The following DCAF7 variants were observed in gnomAD, a reference collection of about 807,000 sequenced individuals.
The protein encoded by DCAF7 is DDB1- and CUL4-associated factor 7.
A neutral mutation model predicts 41.2 loss-of-function variants in DCAF7; 4 were observed. The observed-to-expected ratio is 0.10, with a 90% confidence interval of 0.05 to 0.22. DCAF7 has a LOEUF of 0.22. Ranked by LOEUF, DCAF7 falls within the 10% of genes least tolerant of loss-of-function variation. The probability of loss-of-function intolerance (pLI) is 1.00; values close to 1 mark genes in which losing one functional copy is unlikely to be tolerated. For synonymous variants in DCAF7, 143 were observed against 164.2 expected (o/e 0.87, Z 0.99); for missense variants, 131 against 443.2 (o/e 0.30, Z 6.32).
At chr17:63,570,734 TCTAA>T (rs1265059395) in intron 1 of DCAF7, among the ~76,000 whole-genome samples, 2 of 152,224 alleles carry the variant, frequency 1.3e-5, no homozygotes, top group Non-Finnish European at 2.9e-5. Context: ...TGGGAATTAG[TCTAA>T]CTGTCTTTTG....
At chr17:63,559,439 G>GTGTGTATATATA (rs1555680864) in intron 1 of DCAF7, among the ~76,000 whole-genome samples, 1 of 122,178 alleles carries the variant, frequency 8.2e-6, no homozygotes, top group African/African-American at 3.5e-5. Context: ...ATATGTGTGT[G>GTGTGTATATATA]TATATATATA....
chr17:63,564,120 A>AG (rs780888244), intron 1 of DCAF7, among the ~76,000 whole-genome samples: 1 of 141,558 alleles, frequency 7.1e-6, no homozygotes, highest in Admixed American at 7.0e-5. Context: ...GATGACATAG[A>AG]GGGATGTTAA....
chr17:63,553,128 G>GT (rs1421094936), intron 1 of DCAF7, among the ~76,000 whole-genome samples: 2 of 152,152 alleles, frequency 1.3e-5, no homozygotes, highest in East Asian at 1.9e-4. Context: ...TAAACAACAT[G>GT]TTTTTTAAAG....
rs2033732671 is a variant in DCAF7, at chr17:63,591,467, C to T, written c.*2295C>T. Reference sequence around the variant, plus strand: ...GGACGCCCAGCTCCTGTCATCCTTCCTTAGGTCCTGCAGTACAGTCTTCCC... The same window carrying T: ...GGACGCCCAGCTCCTGTCATCCTTCTTTAGGTCCTGCAGTACAGTCTTCCC... On this transcript the variant is annotated 3_prime_UTR_variant, in exon 7 of 7. Transcript: ENST00000614556. 6.6e-6 allele frequency: 1 copy of T among 152,298 alleles called. No individual in the cohort carries two copies. Among genetic ancestry groups the T allele is most frequent in the Non-Finnish European group, 1.5e-5 (1 of 68,090 alleles). 9.4% of individuals were successfully genotyped at this position (152,298 alleles called of 1,614,324 possible).
chr17:63,568,017 T>G (rs867502409), intron 1 of DCAF7, among the ~76,000 whole-genome samples: 6 of 150,696 alleles, frequency 4.0e-5, no homozygotes, highest in African/African-American at 1.5e-4. Context: ...CTGATTTTGT[T>G]TTGTTATTGT....
intron 1 of DCAF7, among the ~76,000 whole-genome samples, chr17:63,566,660 C>A (rs1343434515): frequency 6.6e-6 from 1 of 152,166 alleles, no homozygotes; most frequent in Non-Finnish European, 1.5e-5. Context: ...GTGGCTGACA[C>A]TGGTAATCCC....
chr17:63,559,373 A>G (rs1156495507), intron 1 of DCAF7, among the ~76,000 whole-genome samples: 50 of 82,120 alleles, frequency 6.1e-4, no homozygotes, highest in African/African-American at 1.1e-3. Flanking sequence ...GTATATATAT[A>G]TGTGTATATA....
rs572453308 is a variant in DCAF7 at position 63,585,327 on chromosome 17, A to G, written c.855A>G (p.Ala285=). Residue 285 remains alanine (A), a splice_region_variant and synonymous_variant, in exon 6 of 7, where the codon GCA becomes GCG. Coordinates refer to ENST00000614556, the MANE Select transcript of DCAF7 (RefSeq NM_005828.5). ...APHSSCHICT[A]ADDHQALIWD... ...ATTCATCCTGCCACATCTGCACTGC[A>G]GGTAATCATGGTGGGGAGAAAGAAA... 6.2e-7 allele frequency: 1 copy of G among 1,612,296 alleles called. No homozygotes were observed. Among genetic ancestry groups the G allele is most frequent in the Admixed American group, 1.7e-5 (1 of 59,986 alleles).
chr17:63,591,535 C>G lies in DCAF7; in HGVS notation c.*2363C>G, dbSNP rs2033733651. Reference sequence around the variant, plus strand: ...CCCAGGGGGACTCCACCCCCCTAAGCAAGCACACACATACTCACAGTTGAT... The same window carrying G: ...CCCAGGGGGACTCCACCCCCCTAAGGAAGCACACACATACTCACAGTTGAT... On this transcript the variant is annotated 3_prime_UTR_variant, in exon 7 of 7. Transcript: ENST00000614556. 6.6e-6 allele frequency: 1 copy of G among 152,174 alleles called. No individual in the cohort carries two copies. The highest frequency in any genetic ancestry group is 6.5e-5 in the Admixed American group (1 of 15,268). 9.4% of individuals were successfully genotyped at this position (152,174 alleles called of 1,614,324 possible). A position where few individuals can be genotyped will look rare whatever the true frequency, so the allele number is the denominator to read the frequency against.
chr17:63,575,769 G>A (rs1053796344), intron 1 of DCAF7, among the ~76,000 whole-genome samples: 1 of 152,226 alleles, frequency 6.6e-6, no homozygotes, highest in African/African-American at 2.4e-5. Flanking sequence ...ATTGTAAGAT[G>A]TCAGTTCTCC....
chr17:63,575,342 TAAAG>T (rs1417468436), intron 1 of DCAF7, among the ~76,000 whole-genome samples: 1 of 150,816 alleles, frequency 6.6e-6, no homozygotes, highest in African/African-American at 2.4e-5. Context: ...GAAAAAGAAA[TAAAG>T]AAATAAAATT....
intron 6 of DCAF7, among the ~76,000 whole-genome samples, chr17:63,588,457 A>G (rs2033700897): frequency 6.6e-6 from 1 of 151,410 alleles, no homozygotes; most frequent in South Asian, 2.1e-4. Context: ...TCAGCCTTCC[A>G]AAGTGTTGGG....
At chr17:63,566,328 G>A (rs904514335) in intron 1 of DCAF7, among the ~76,000 whole-genome samples, 1 of 147,068 alleles carries the variant, frequency 6.8e-6, no homozygotes, top group Non-Finnish European at 1.5e-5. Flanking sequence ...CAGAGATGGC[G>A]CCACTGCACA....
Position 63,592,623 on chromosome 17 carries a change from G to A in DCAF7, c.*3451G>A, listed in dbSNP as rs1005068066. On this transcript the variant is annotated 3_prime_UTR_variant, in exon 7 of 7. Transcript: ENST00000614556. Reference sequence around the variant, plus strand: ...GAGGAAATAGTAGAGGTCAGTGAAGGTCTGGGGTAGGGAAACATTCAGACT... The same window carrying A: ...GAGGAAATAGTAGAGGTCAGTGAAGATCTGGGGTAGGGAAACATTCAGACT... 6.6e-6 allele frequency: 1 copy of A among 152,146 alleles called. No individual in the cohort carries two copies. Among genetic ancestry groups the A allele is most frequent in the African/African-American group, 2.4e-5 (1 of 41,412 alleles). 9.4% of individuals were successfully genotyped at this position (152,146 alleles called of 1,614,324 possible).
intron 1 of DCAF7, among the ~76,000 whole-genome samples, chr17:63,568,773 T>TCA (rs1243518611): frequency 6.6e-6 from 1 of 152,170 alleles, no homozygotes; most frequent in African/African-American, 2.4e-5. Flanking sequence ...AGCTGTTGTC[T>TCA]CACACCCTGC....
rs1286989106 is a variant in DCAF7 at position 63,589,315 on chromosome 17, A to T, written c.*143A>T. 1 of 1,159,268 alleles carries T rather than the reference A, an allele frequency of 8.6e-7. No individual in the cohort carries two copies. The highest frequency in any genetic ancestry group is 1.3e-5 in the South Asian group (1 of 76,536). 71.8% of individuals were successfully genotyped at this position (1,159,268 alleles called of 1,614,324 possible). A position where few individuals can be genotyped will look rare whatever the true frequency, so the allele number is the denominator to read the frequency against. ...CACTGTTACCAGAAGCTGCTCTAGG[A>T]GTTCCTGGCCAGTCACCCCATCGCC... is the stretch of plus-strand genomic sequence containing the variant. On this transcript the variant is annotated 3_prime_UTR_variant, in exon 7 of 7. Transcript: ENST00000614556.
At position 63,592,046 on chromosome 17, in the gene DCAF7, A is replaced by G. The variant is rs1043179032; in HGVS notation, c.*2874A>G. Reference sequence around the variant, plus strand: ...AATTTTTTATGCTCAGGAGCATTGGAATCCTCTTCTTCCAGGGAGGAATTA... The same window carrying G: ...AATTTTTTATGCTCAGGAGCATTGGGATCCTCTTCTTCCAGGGAGGAATTA... On this transcript the variant is annotated 3_prime_UTR_variant, in exon 7 of 7. Coordinates refer to ENST00000614556, the MANE Select transcript of DCAF7 (RefSeq NM_005828.5). 2.6e-5 allele frequency: 4 copies of G among 152,238 alleles called. No individual in the cohort carries two copies. The highest frequency in any genetic ancestry group is 2.0e-4 in the Admixed American group (3 of 15,276). 9.4% of individuals were successfully genotyped at this position (152,238 alleles called of 1,614,324 possible).
chr17:63,592,377 C>A lies in DCAF7; in HGVS notation c.*3205C>A, dbSNP rs1005015606. ...CCAAGATCGTGCCACTGCACTCCAG[C>A]CTGGGCGACAGAGCAAGACTCCGTC... On this transcript the variant is annotated 3_prime_UTR_variant, in exon 7 of 7. Coordinates refer to ENST00000614556, the MANE Select transcript of DCAF7 (RefSeq NM_005828.5). The A allele has an allele frequency of 6.6e-6, 1 of 150,950 alleles. No homozygotes were observed. Among genetic ancestry groups the A allele is most frequent in the Non-Finnish European group, 1.5e-5 (1 of 67,930 alleles). 9.4% of individuals were successfully genotyped at this position (150,950 alleles called of 1,614,324 possible). A position where few individuals can be genotyped will look rare whatever the true frequency, so the allele number is the denominator to read the frequency against.
At chr17:63,562,010 C>CA (rs374021255) in intron 1 of DCAF7, among the ~76,000 whole-genome samples, 31,445 of 81,076 alleles carry the variant, frequency 0.39, 4,428 homozygotes, top group Middle Eastern at 0.53. Context: ...TGTCAATGTC[C>CA]AAAAAAAAAA....
Sources: allele counts gnomAD v4.1 joint callset (sites outside exome capture counted in the v4.1 genomes callset), GRCh38; gene constraint gnomAD v4.1.1; transcripts MANE v1.5; gene names NCBI Gene and HGNC (gene_info 2026-07-23, HGNC 2026-07-21).